SLC6A4: variants seen among roughly 807,000 people sequenced by gnomAD.
SLC6A4 encodes sodium-dependent serotonin transporter.
Under a neutral mutation model 73.4 loss-of-function variants are expected in SLC6A4, and 22 were observed. That is an observed-to-expected ratio of 0.30 (90% CI 0.21 to 0.43). The LOEUF (loss-of-function observed/expected upper bound fraction) is 0.43. Ranked by LOEUF, SLC6A4 falls within the 20% of genes least tolerant of loss-of-function variation. The probability of loss-of-function intolerance (pLI) is 1.00; values close to 1 mark genes in which losing one functional copy is unlikely to be tolerated. For synonymous variants in SLC6A4, 270 were observed against 315.5 expected, an observed-to-expected ratio of 0.86 and a Z score of 1.53; for missense variants, 593 against 808.5, an observed-to-expected ratio of 0.73 and a Z score of 3.23.
intron 14 of SLC6A4, among the ~76,000 whole-genome samples, chr17:30,199,878 C>G (rs1905978523): frequency 6.6e-6 from 1 of 151,740 alleles, no homozygotes; most frequent in Non-Finnish European, 1.5e-5. Context: ...GAGAACTAGA[C>G]AGAGATCACT....
rs1906644690 is a variant in SLC6A4 at position 30,218,342 on chromosome 17, G to A, written c.479-5C>T. The A allele has an allele frequency of 6.2e-7, 1 of 1,610,310 alleles. No individual in the cohort carries two copies. The highest frequency in any genetic ancestry group is 1.3e-5 in the African/African-American group (1 of 74,952). On this transcript the variant is annotated splice_polypyrimidine_tract_variant and splice_region_variant and intron_variant, in intron 4 of 14. Coordinates refer to ENST00000650711, the MANE Select transcript of SLC6A4 (RefSeq NM_001045.6). ...TGCAGATGGCATAACCAATCCCTGG[G>A]CAGTGGGTGAGATGGAGAGACAGAG...
chr17:30,220,703 A>G lies in SLC6A4; in HGVS notation c.343+913T>C, dbSNP rs114502834. ...TGAAGCCACCTCCAAATTTTCCCTTACGCAGGCCTACCCTCGTGGACTCTT... is the reference window on the plus strand; with the variant it reads ...TGAAGCCACCTCCAAATTTTCCCTTGCGCAGGCCTACCCTCGTGGACTCTT... On this transcript the variant is annotated intron_variant, in intron 3 of 14. Coordinates refer to ENST00000650711, the MANE Select transcript of SLC6A4 (RefSeq NM_001045.6). 4.4e-3 allele frequency among the ~76,000 whole-genome samples: 675 copies of G among 152,268 alleles called. 6 individuals carry two copies. The highest frequency in any genetic ancestry group is 0.015 in the African/African-American group (638 of 41,552).
chr17:30,217,418 C>A (rs1906612550), intron 5 of SLC6A4, 114 bp from the exon 6 acceptor site: 3 of 1,053,218 alleles, frequency 2.8e-6, no homozygotes, highest in Non-Finnish European at 2.7e-6. Flanking sequence ...GCTGCTAGGA[C>A]CAAGTGGTCA....
At chr17:30,213,005 G>T in intron 8 of SLC6A4, 138 bp from the exon 9 acceptor site, 1 of 881,328 alleles carries the variant, frequency 1.1e-6, no homozygotes, top group Non-Finnish European at 1.7e-6. Flanking sequence ...GGAACCTCAA[G>T]CCTGTCCCGG....
intron 13 of SLC6A4, among the ~76,000 whole-genome samples, chr17:30,204,996 A>G (rs1285727276): frequency 6.6e-6 from 1 of 152,190 alleles, no homozygotes; most frequent in Non-Finnish European, 1.5e-5. Flanking sequence ...CTCAGGCACG[A>G]CATTTCAGCA....
intron 11 of SLC6A4, 148 bp from the exon 12 acceptor site, chr17:30,209,390 G>C: frequency 3.4e-6 from 2 of 589,374 alleles, no homozygotes; most frequent in South Asian, 2.0e-5. Flanking sequence ...CTGCCTCTTA[G>C]GCCAGGTGCG....
chr17:30,231,927 G>A (rs886727143), intron 1 of SLC6A4, among the ~76,000 whole-genome samples: 2 of 152,156 alleles, frequency 1.3e-5, no homozygotes, highest in African/African-American at 4.8e-5. Context: ...GAAAGTAGAA[G>A]AGACTCAAGT....
chr17:30,212,672 C>A, intron 9 of SLC6A4, 68 bp downstream of exon 9: 2 of 1,545,986 alleles, frequency 1.3e-6, no homozygotes. Flanking sequence ...AAAGTTAGAT[C>A]TTTACAAAGA....
intron 14 of SLC6A4, among the ~76,000 whole-genome samples, chr17:30,202,312 A>C (rs1906063752): frequency 6.6e-6 from 1 of 152,126 alleles, no homozygotes; most frequent in South Asian, 2.1e-4. Context: ...TTTAGTAGAG[A>C]CAGGATTTCA....
rs201074186 is a variant in SLC6A4 at position 30,209,180 on chromosome 17, G to A, written c.1512C>T (p.Val504=). The change falls in exon 12 of 15, where the codon GTC becomes GTT. Residue 504 remains valine, a synonymous_variant. Coordinates refer to ENST00000650711, the MANE Select transcript of SLC6A4 (RefSeq NM_001045.6). Reference sequence around the variant, plus strand: ...ACACAGCGACTGCTTCGATCAGCGCGACAGTGAGCACTGCGGGCCCCGTGG... The same window carrying A: ...ACACAGCGACTGCTTCGATCAGCGCAACAGTGAGCACTGCGGGCCCCGTGG... The part of the protein sequence containing the change: ...EYATGPAVLT[V]ALIEAVAVSW... 1.9e-5 allele frequency: 30 copies of A among 1,613,738 alleles called. No individual in the cohort carries two copies. In the Admixed American group the frequency reaches 2.2e-4, roughly 12 times the overall value.
At chr17:30,227,751 G>A (rs909990894) in intron 1 of SLC6A4, among the ~76,000 whole-genome samples, 2 of 152,160 alleles carry the variant, frequency 1.3e-5, no homozygotes, top group Admixed American at 1.3e-4. Context: ...GCCTCCCAAA[G>A]TGCTGGGATT....
chr17:30,213,528 C>T (rs1906455763), intron 8 of SLC6A4, among the ~76,000 whole-genome samples: 4 of 152,038 alleles, frequency 2.6e-5, no homozygotes, highest in Non-Finnish European at 5.9e-5. Flanking sequence ...GTCTCAAACT[C>T]CTGATCTCAC....
intron 1 of SLC6A4, among the ~76,000 whole-genome samples, chr17:30,230,089 A>AGAG (rs1907049655): frequency 2.3e-5 from 3 of 133,030 alleles, no homozygotes; most frequent in Non-Finnish European, 4.7e-5. Context: ...AAGAAGAAGA[A>AGAG]GAAGAAGAGG....
chr17:30,203,902 T>C (rs1906112402), intron 13 of SLC6A4, among the ~76,000 whole-genome samples: 2 of 152,096 alleles, frequency 1.3e-5, no homozygotes, highest in South Asian at 4.1e-4. Context: ...CTCCTGGGGG[T>C]GTGTCCTTCT....
rs1442599028 is a variant in SLC6A4, at chr17:30,196,551, C to G, written c.*1905G>C. 1.3e-5 allele frequency: 2 copies of G among 152,248 alleles called. No homozygotes were observed. Among genetic ancestry groups the G allele is most frequent in the Non-Finnish European group, 2.9e-5 (2 of 68,030 alleles). 9.4% of individuals were successfully genotyped at this position (152,248 alleles called of 1,614,324 possible). A position where few individuals can be genotyped will look rare whatever the true frequency, so the allele number is the denominator to read the frequency against. On this transcript the variant is annotated 3_prime_UTR_variant, in exon 15 of 15. Transcript: ENST00000650711. ...TCCGAATATCTTCATAAAGCAAGTT[C>G]TTAAAATTTGCAAAGCTATTAGGTT...
chr17:30,215,686 A>T lies in SLC6A4; in HGVS notation c.1001T>A (p.Phe334Tyr). The change falls in exon 8 of 15, where the codon TTC becomes TAC. Residue 334 changes from phenylalanine (F) to tyrosine (Y), a missense_variant. Physicochemically the swap from Phe to Tyr is conservative, Grantham distance 22. Transcript: ENST00000650711. ...GVWIDAAAQI[F>Y]FSLGPGFGVL... ...CCCAAAGCCCGGACCAAGAGAGAAG[A>T]AGATCTGAGCGGCTGCATCTATCCA... 1 of 1,614,016 alleles carries T rather than the reference A, an allele frequency of 6.2e-7. No individual in the cohort carries two copies. The highest frequency in any genetic ancestry group is 8.5e-7 in the Non-Finnish European group (1 of 1,179,986).
chr17:30,206,973 TG>T (rs1906226536), intron 13 of SLC6A4, among the ~76,000 whole-genome samples: 1 of 152,122 alleles, frequency 6.6e-6, no homozygotes, highest in Non-Finnish European at 1.5e-5. Flanking sequence ...CCCAAAGTGC[TG>T]GGATAACAGG....
In SLC6A4 at chr17:30,211,056, G is replaced by A. The variant is rs1906370376; in HGVS notation, c.1317+256C>T. On this transcript the variant is annotated intron_variant, in intron 10 of 14. Transcript: ENST00000650711. This position sits in a 1 kb window ranked among gnomAD's most constrained non-coding sequence, Gnocchi z 4.0. ...GGCGCCATAATTGGGCCAAGGGACA[G>A]TGCTTAATAACAGTTCACATATGTG... 6.6e-6 allele frequency among the ~76,000 whole-genome samples: 1 copy of A among 152,238 alleles called. No individual in the cohort carries two copies. Among genetic ancestry groups the A allele is most frequent in the Non-Finnish European group, 1.5e-5 (1 of 68,048 alleles).
At chr17:30,223,285 G>T (rs1268238939) in intron 1 of SLC6A4, among the ~76,000 whole-genome samples, 1 of 152,188 alleles carries the variant, frequency 6.6e-6, no homozygotes, top group African/African-American at 2.4e-5. Flanking sequence ...GATAGCCAGG[G>T]ATGGACTGTT....
Sources: allele counts gnomAD v4.1 joint callset (sites outside exome capture counted in the v4.1 genomes callset), GRCh38; gene constraint gnomAD v4.1.1; non-coding constraint Gnocchi (gnomAD v3.1); transcripts MANE v1.5; gene names NCBI Gene and HGNC (gene_info 2026-07-23, HGNC 2026-07-21).